Variants in PTER observed in about 807,000 individuals in gnomAD.
PTER encodes phosphotriesterase related.
Under a neutral mutation model 29.6 loss-of-function variants are expected in PTER, and 38 were observed. The observed-to-expected ratio is 1.28, with a 90% CI of 0.99 to 1.68. The LOEUF is 1.68. Among genes scored for constraint, PTER ranks in the 40% most tolerant of loss-of-function variants. The probability of loss-of-function intolerance (pLI) is 0.00; values close to 1 mark genes in which losing one functional copy is unlikely to be tolerated. For synonymous variants in PTER, 172 were observed against 154.5 expected (o/e 1.11, Z -0.84); for missense variants, 482 against 427.8 (o/e 1.13, Z -1.12).
At chr10:16,471,411 A>T (rs1835050060) in intron 1 of PTER, among the ~76,000 whole-genome samples, 1 of 152,148 alleles carries the variant, frequency 6.6e-6, no homozygotes, top group African/African-American at 2.4e-5. Context: ...CCTTTTACTG[A>T]TTATAAATGT....
rs185740988 is a variant in PTER at position 16,474,041 on chromosome 10, C to T, written c.-48-10296C>T. On this transcript the variant is annotated intron_variant, in intron 1 of 4. Coordinates refer to ENST00000535784, the MANE Select transcript of PTER (RefSeq NM_001261836.2). ...GACCAGCCTGGCCAACACAGTGAAA[C>T]GTCATCTCTACTAAAAATACAAAAA... is the stretch of plus-strand genomic sequence containing the variant. 7.9e-5 allele frequency among the ~76,000 whole-genome samples: 12 copies of T among 152,208 alleles called. No individual in the cohort carries two copies. In the East Asian group the frequency reaches 1.7e-3, roughly 22 times the overall value.
intron 2 of PTER, 74 bp from the exon 3 acceptor site, chr10:16,486,278 T>C (rs1835690039): frequency 2.2e-6 from 3 of 1,353,816 alleles, no homozygotes; most frequent in Non-Finnish European, 3.0e-6. Flanking sequence ...AATAAATTCA[T>C]TCACATACTG....
chr10:16,449,428 C>CTTTTTTT (rs35475659), intron 1 of PTER, among the ~76,000 whole-genome samples: 35 of 101,852 alleles, frequency 3.4e-4, no homozygotes, highest in Non-Finnish European at 4.4e-4. Flanking sequence ...CAATAATTTT[C>CTTTTTTT]TTTTTTTTTT....
At chr10:16,464,098 A>G (rs902274743) in intron 1 of PTER, among the ~76,000 whole-genome samples, 8 of 152,244 alleles carry the variant, frequency 5.3e-5, no homozygotes, top group African/African-American at 1.9e-4. Context: ...TCAGAGAAAC[A>G]CACAGCATTA....
chr10:16,444,394 A>T (rs2133360795), intron 1 of PTER, among the ~76,000 whole-genome samples: 1 of 150,334 alleles, frequency 6.7e-6, no homozygotes, highest in Non-Finnish European at 1.5e-5. Flanking sequence ...GATCCTCCTG[A>T]GTAGCTGGAT....
In PTER at chr10:16,472,466, A is replaced by G. The variant is rs117349235; in HGVS notation, c.-48-11871A>G. Among the ~76,000 whole-genome samples the G allele has an allele frequency of 8.3e-3, 1,265 of 152,212 alleles. 7 individuals carry two copies. Among genetic ancestry groups the G allele is most frequent in the South Asian group, 0.017 (82 of 4,818 alleles). Reference sequence around the variant, plus strand: ...AAATCTCATGAGATCCGCTGGTTTTATAAATGGGAGTTCCCCTGTGCAAGC... The same window carrying G: ...AAATCTCATGAGATCCGCTGGTTTTGTAAATGGGAGTTCCCCTGTGCAAGC... On this transcript the variant is annotated intron_variant, in intron 1 of 4. Coordinates refer to ENST00000535784, the MANE Select transcript of PTER (RefSeq NM_001261836.2).
intron 1 of PTER, among the ~76,000 whole-genome samples, chr10:16,480,252 CAATCT>C (rs1183693161): frequency 1.3e-5 from 2 of 149,382 alleles, no homozygotes; most frequent in Non-Finnish European, 3.0e-5. Flanking sequence ...TGCAGTGGCG[CAATCT>C]TGACTCACTG....
At chr10:16,437,501 C>A (rs1252409320) in intron 1 of PTER, 1 of 152,096 alleles carries the variant, frequency 6.6e-6, no homozygotes, top group African/African-American at 2.4e-5. Context: ...GCACGTGCCA[C>A]CATGTCCGGT....
chr10:16,485,821 C>T (rs578043947), intron 2 of PTER, among the ~76,000 whole-genome samples: 4 of 152,158 alleles, frequency 2.6e-5, no homozygotes, highest in East Asian at 1.9e-4. Flanking sequence ...ATGCCTTGTG[C>T]GGTGATGCAA....
At chr10:16,446,853 A>C (rs892014447) in intron 1 of PTER, among the ~76,000 whole-genome samples, 1 of 151,800 alleles carries the variant, frequency 6.6e-6, no homozygotes, top group Non-Finnish European at 1.5e-5. Flanking sequence ...CATTGGTGCA[A>C]TCTCGGCTTG....
intron 1 of PTER, among the ~76,000 whole-genome samples, chr10:16,453,413 A>C (rs1004754613): frequency 2.6e-5 from 4 of 152,150 alleles, no homozygotes; most frequent in Non-Finnish European, 5.9e-5. Context: ...GATTATATGA[A>C]CTTTTATTTG....
intron 1 of PTER, among the ~76,000 whole-genome samples, chr10:16,471,219 A>G (rs116611847): frequency 6.6e-6 from 1 of 152,364 alleles, no homozygotes; most frequent in African/African-American, 2.4e-5. Flanking sequence ...CAGGCAAGAC[A>G]GGCAATTAGC....
intron 1 of PTER, among the ~76,000 whole-genome samples, chr10:16,456,095 G>A (rs914236098): frequency 3.9e-5 from 6 of 152,180 alleles, no homozygotes; most frequent in African/African-American, 1.2e-4. Context: ...TGCAAAAGAC[G>A]TTGCCAGTTG....
chr10:16,468,503 T>C (rs1009776147), intron 1 of PTER, among the ~76,000 whole-genome samples: 1 of 152,230 alleles, frequency 6.6e-6, no homozygotes, highest in African/African-American at 2.4e-5. Context: ...CTTTATTGTA[T>C]GATTCCTTTG....
intron 1 of PTER, among the ~76,000 whole-genome samples, chr10:16,471,851 C>G (rs1479231464): frequency 1.3e-5 from 2 of 152,158 alleles, no homozygotes; most frequent in Non-Finnish European, 2.9e-5. Flanking sequence ...CTTTTTTACA[C>G]ATGTCTAAAT....
chr10:16,447,014 C>G (rs1350309508), intron 1 of PTER, among the ~76,000 whole-genome samples: 1 of 152,028 alleles, frequency 6.6e-6, no homozygotes, highest in African/African-American at 2.4e-5. Context: ...GTCTTGAACT[C>G]CTGACTTCAG....
At chr10:16,496,933 A>ATTT (rs57514349) in intron 3 of PTER, among the ~76,000 whole-genome samples, 9 of 132,028 alleles carry the variant, frequency 6.8e-5, no homozygotes, top group Admixed American at 2.3e-4. Flanking sequence ...GGTTCTCTGG[A>ATTT]TTTTTTTTTT....
chr10:16,509,153 C>T (rs544923707), intron 4 of PTER, among the ~76,000 whole-genome samples: 21 of 152,300 alleles, frequency 1.4e-4, no homozygotes, highest in Admixed American at 1.3e-3. Context: ...TCCCCCTTTT[C>T]TGGCAGCATC....
intron 3 of PTER, among the ~76,000 whole-genome samples, chr10:16,503,283 A>G (rs1468258656): frequency 2.0e-5 from 3 of 151,496 alleles, no homozygotes; most frequent in South Asian, 2.1e-4. Context: ...CTGGAATGCA[A>G]TGGCACGATC....
Sources: gnomAD v4.1 joint callset for allele counts (sites outside exome capture counted in the v4.1 genomes callset) on GRCh38, gnomAD v4.1.1 for gene constraint, MANE v1.5 for transcripts, NCBI Gene and HGNC (gene_info 2026-07-23, HGNC 2026-07-21) for gene names.